Variants in LRMDA observed in about 807,000 individuals in gnomAD.
The protein encoded by LRMDA is leucine rich melanocyte differentiation associated, also known as leucine-rich melanocyte differentiation-associated protein.
Under a neutral mutation model 29.8 loss-of-function variants are expected in LRMDA, and 18 were observed. The ratio of observed to expected loss-of-function variants is 0.60; its 90% CI spans 0.42 to 0.90. The LOEUF is 0.90. Ranked by LOEUF, LRMDA falls within the 40% of genes least tolerant of loss-of-function variation. The pLI is 0.00. For missense variants in LRMDA, 273 were observed against 273.9 expected (o/e 1.00, Z 0.02); for synonymous variants, 125 against 109.4 (o/e 1.14, Z -0.89).
intron 5 of LRMDA, among the ~76,000 whole-genome samples, chr10:76,198,823 A>AT (rs935169529): frequency 4.6e-5 from 7 of 152,106 alleles, no homozygotes; most frequent in Middle Eastern, 3.4e-3. Context: ...GACAGGTTTT[A>AT]TTTTTTTCCC....
Position 76,546,255 on chromosome 10 carries a change from A to C in LRMDA, c.602-10954A>C, listed in dbSNP as rs547908668. Among the ~76,000 whole-genome samples the C allele has an allele frequency of 2.6e-5, 4 of 152,314 alleles. No individual in the cohort carries two copies. The East Asian group carries it at 7.7e-4, about 29-fold the overall frequency. ...TATTGTTTTCGATTTTTTGGAGCTC[A>C]TATGAGCAGGAGATCCTAAGATCTT... is the stretch of plus-strand genomic sequence containing the variant. On this transcript the variant is annotated intron_variant, in intron 6 of 6. Transcript: ENST00000611255.
chr10:75,717,929 TA>T (rs1430091023), intron 2 of LRMDA, among the ~76,000 whole-genome samples: 1 of 152,176 alleles, frequency 6.6e-6, no homozygotes, highest in Non-Finnish European at 1.5e-5. Context: ...TAATTATGAT[TA>T]TTTTTAGATT....
intron 5 of LRMDA, among the ~76,000 whole-genome samples, chr10:76,064,663 A>G (rs1589310826): frequency 6.6e-6 from 1 of 152,224 alleles, no homozygotes; most frequent in South Asian, 2.1e-4. Context: ...TTGCAAATGC[A>G]TAAAAGGGTA....
intron 6 of LRMDA, among the ~76,000 whole-genome samples, chr10:76,487,906 A>C (rs536816947): frequency 6.6e-6 from 1 of 152,016 alleles, no homozygotes; most frequent in Non-Finnish European, 1.5e-5. Flanking sequence ...CTCTCTAGCC[A>C]TCAGTTTCCT....
Position 75,556,713 on chromosome 10 carries a change from A to C in LRMDA, c.131+118219A>C, listed in dbSNP as rs1840217686. ...GTATAGTATATATGACACCTGAAGC[A>C]TAAGGGGTGGGGTAACAGACCCATG... is the stretch of plus-strand genomic sequence containing the variant. On this transcript the variant is annotated intron_variant, in intron 2 of 6. Transcript: ENST00000611255. Among the ~76,000 whole-genome samples, 4 of 81,448 alleles carry C rather than the reference A, an allele frequency of 4.9e-5. No homozygotes were observed. The South Asian group carries it at 2.6e-3, about 52-fold the overall frequency. 53.4% of individuals were successfully genotyped at this position (81,448 alleles called of 152,430 possible). A position where few individuals can be genotyped will look rare whatever the true frequency, so the allele number is the denominator to read the frequency against.
rs368672227 is a variant in LRMDA, at chr10:75,682,479, A to G, written c.131+243985A>G. 3.8e-4 allele frequency among the ~76,000 whole-genome samples: 58 copies of G among 152,152 alleles called. No individual in the cohort carries two copies. In the South Asian group the frequency reaches 6.6e-3, roughly 17 times the overall value. ...AGACACACACACACACTCAATACCA[A>G]TATATACACATATCTGTGTGTGCAC... On this transcript the variant is annotated intron_variant, in intron 2 of 6. Transcript: ENST00000611255.
intron 5 of LRMDA, among the ~76,000 whole-genome samples, chr10:76,156,414 C>A (rs1314885043): frequency 1.3e-5 from 2 of 152,120 alleles, no homozygotes; most frequent in East Asian, 1.9e-4. Context: ...GATCTTGATT[C>A]TTCCATTATT....
At chr10:75,703,233 TG>T (rs1027396948) in intron 2 of LRMDA, among the ~76,000 whole-genome samples, 59 of 152,278 alleles carry the variant, frequency 3.9e-4, no homozygotes, top group African/African-American at 1.3e-3. Flanking sequence ...CAACGAGTAA[TG>T]GATTTCAACA....
chr10:75,682,651 T>G (rs1842038225), intron 2 of LRMDA, among the ~76,000 whole-genome samples: 1 of 152,210 alleles, frequency 6.6e-6, no homozygotes. Context: ...AAAGACCACG[T>G]GCCTAGAAAG....
At chr10:75,626,509 T>C (rs1321431098) in intron 2 of LRMDA, among the ~76,000 whole-genome samples, 1 of 152,160 alleles carries the variant, frequency 6.6e-6, no homozygotes, top group Non-Finnish European at 1.5e-5. Flanking sequence ...CAGGCTGGGG[T>C]GACAAGTGTC....
At chr10:76,030,322 A>G (rs1848128398) in intron 2 of LRMDA, among the ~76,000 whole-genome samples, 1 of 152,136 alleles carries the variant, frequency 6.6e-6, no homozygotes, top group South Asian at 2.1e-4. Context: ...AGCCAACTCT[A>G]CATACTGTAT....
intron 5 of LRMDA, among the ~76,000 whole-genome samples, chr10:76,230,485 T>C (rs1387226042): frequency 6.6e-6 from 1 of 150,454 alleles, no homozygotes; most frequent in Non-Finnish European, 1.5e-5. Flanking sequence ...TTAGAAAACT[T>C]ACTAAGAGAA....
At chr10:75,482,800 G>A (rs913047008) in intron 2 of LRMDA, among the ~76,000 whole-genome samples, 2 of 152,150 alleles carry the variant, frequency 1.3e-5, no homozygotes, top group Non-Finnish European at 2.9e-5. Flanking sequence ...AGAAATGCAT[G>A]TTTTCTGTAA....
intron 3 of LRMDA, among the ~76,000 whole-genome samples, chr10:76,036,838 C>G (rs531889503): frequency 1.8e-3 from 270 of 152,232 alleles, no homozygotes; most frequent in African/African-American, 6.3e-3. Flanking sequence ...ACCTAAGGCC[C>G]GTAGCTCCTG....
intron 5 of LRMDA, among the ~76,000 whole-genome samples, chr10:76,154,742 T>C (rs563971035): frequency 5.4e-4 from 83 of 152,318 alleles, no homozygotes; most frequent in African/African-American, 1.8e-3. Context: ...TCAAATAGTA[T>C]AGAACTTCAT....
chr10:76,164,770 T>C (rs1850705962), intron 5 of LRMDA, among the ~76,000 whole-genome samples: 1 of 152,206 alleles, frequency 6.6e-6, no homozygotes, highest in African/African-American at 2.4e-5. Flanking sequence ...TTTAATTTAA[T>C]TTTTAGCCTT....
intron 4 of LRMDA, among the ~76,000 whole-genome samples, chr10:76,057,131 T>G (rs150135518): frequency 6.6e-6 from 1 of 152,208 alleles, no homozygotes; most frequent in Non-Finnish European, 1.5e-5. Flanking sequence ...GGTTCCTTGA[T>G]GCCCATTTGA....
At chr10:75,932,252 T>A (rs1205629658) in intron 2 of LRMDA, among the ~76,000 whole-genome samples, 1 of 152,210 alleles carries the variant, frequency 6.6e-6, no homozygotes, top group Non-Finnish European at 1.5e-5. Flanking sequence ...AGCTTTCTGA[T>A]CAGTATAGCT....
intron 2 of LRMDA, among the ~76,000 whole-genome samples, chr10:75,679,679 G>A (rs963536055): frequency 6.6e-6 from 1 of 152,112 alleles, no homozygotes; most frequent in Non-Finnish European, 1.5e-5. Flanking sequence ...CATTCTGATG[G>A]CATCATCTAG....
Sources: gnomAD v4.1 joint callset for allele counts (sites outside exome capture counted in the v4.1 genomes callset) on GRCh38, gnomAD v4.1.1 for gene constraint, MANE v1.5 for transcripts, NCBI Gene and HGNC (gene_info 2026-07-23, HGNC 2026-07-21) for gene names.